The following CTTNBP2NL variants were observed in gnomAD, a reference collection of about 807,000 sequenced individuals.
CTTNBP2NL encodes CTTNBP2 N-terminal like, also known as CTTNBP2 N-terminal-like protein.
CTTNBP2NL carries 16 observed loss-of-function variants against 32.5 expected under a neutral mutation model. The ratio of observed to expected loss-of-function variants is 0.49; its 90% CI spans 0.33 to 0.75. CTTNBP2NL has a LOEUF of 0.75. Among genes scored for constraint, CTTNBP2NL ranks in the 30% least tolerant of loss-of-function variants. The pLI, the probability that CTTNBP2NL is intolerant of heterozygous loss-of-function variation, is 0.02. For missense variants in CTTNBP2NL, 645 were observed against 756.0 expected (o/e 0.85, Z 1.72); for synonymous variants, 298 against 289.4 (o/e 1.03, Z -0.30).
At chr1:112,422,951 C>T (rs1157911330) in intron 3 of CTTNBP2NL, among the ~76,000 whole-genome samples, 1 of 152,066 alleles carries the variant, frequency 6.6e-6, no homozygotes, top group Non-Finnish European at 1.5e-5. Context: ...CACCACCATG[C>T]CTGGCTAATT....
At chr1:112,416,571 C>G (rs1649073292) in intron 3 of CTTNBP2NL, among the ~76,000 whole-genome samples, 1 of 151,266 alleles carries the variant, frequency 6.6e-6, no homozygotes, top group African/African-American at 2.4e-5. Context: ...TATCTCGGCT[C>G]ACTGCAACTT....
chr1:112,420,547 C>A (rs1399567046), intron 3 of CTTNBP2NL, among the ~76,000 whole-genome samples: 1 of 152,160 alleles, frequency 6.6e-6, no homozygotes, highest in African/African-American at 2.4e-5. Flanking sequence ...CAGCTCACTG[C>A]AGCCTCAACC....
intron 3 of CTTNBP2NL, among the ~76,000 whole-genome samples, chr1:112,426,099 G>A (rs1231972276): frequency 6.6e-6 from 1 of 151,782 alleles, no homozygotes; most frequent in Non-Finnish European, 1.5e-5. Flanking sequence ...CCTTCAGTCT[G>A]TCAAGTTGTT....
rs1650490534 is a variant in CTTNBP2NL, at chr1:112,459,705, CT to C, written c.*2296del. 6.6e-6 allele frequency: 1 copy of C among 152,154 alleles called. No individual in the cohort carries two copies. The highest frequency in any genetic ancestry group is 2.4e-5 in the African/African-American group (1 of 41,444). 9.4% of individuals were successfully genotyped at this position (152,154 alleles called of 1,614,324 possible). The stretch of plus-strand genomic sequence containing the variant: ...GAATAGTGTTGATAAAATAGCTAAA[CT>C]TTCTAAACTGGAGAGGAGGCTACAG... On this transcript the variant is annotated 3_prime_UTR_variant, in exon 6 of 6. Transcript: ENST00000271277.
chr1:112,456,065 C>A lies in CTTNBP2NL; in HGVS notation c.573C>A (p.Asn191Lys). The change falls in exon 6 of 6, where the codon AAC becomes AAA. Residue 191 changes from asparagine (N) to lysine (K), a missense_variant. Physicochemically the swap from Asn to Lys is moderately conservative, Grantham distance 94. Coordinates refer to ENST00000271277, the MANE Select transcript of CTTNBP2NL (RefSeq NM_018704.3). ...MLVLECKKAT[N>K]KAAEEGQKAG... Reference sequence around the variant, plus strand: ...TGCTTGAGTGCAAGAAAGCCACCAACAAGGCAGCCGAGGAAGGACAGAAGG... The same window carrying A: ...TGCTTGAGTGCAAGAAAGCCACCAAAAAGGCAGCCGAGGAAGGACAGAAGG... 1 of 1,614,138 alleles carries A rather than the reference C, an allele frequency of 6.2e-7. No homozygotes were observed. Among genetic ancestry groups the A allele is most frequent in the Non-Finnish European group, 8.5e-7 (1 of 1,180,030 alleles).
rs550020283 is a variant in CTTNBP2NL at position 112,409,817 on chromosome 1, A to G, written c.-133-2377A>G. On this transcript the variant is annotated intron_variant, in intron 1 of 5. Coordinates refer to ENST00000271277, the MANE Select transcript of CTTNBP2NL (RefSeq NM_018704.3). ...CGAAACCAGAATAAGTGGAGCTCGGATAGTATCCAGAGAGGGGAAAATATC... is the reference window on the plus strand; with the variant it reads ...CGAAACCAGAATAAGTGGAGCTCGGGTAGTATCCAGAGAGGGGAAAATATC... Among the ~76,000 whole-genome samples, 3 of 152,356 alleles carry G rather than the reference A, an allele frequency of 2.0e-5. No homozygotes were observed. The South Asian group carries it at 6.2e-4, about 32-fold the overall frequency.
At chr1:112,409,127 CAAAAAA>C (rs36002206) in intron 1 of CTTNBP2NL, among the ~76,000 whole-genome samples, 1 of 80,254 alleles carries the variant, frequency 1.2e-5, no homozygotes, top group African/African-American at 4.9e-5. Context: ...GACTCTGTCT[CAAAAAA>C]AAAAAAAAAA....
intron 1 of CTTNBP2NL, among the ~76,000 whole-genome samples, chr1:112,400,966 C>CAAAAA (rs56784970): frequency 1.9e-5 from 2 of 102,884 alleles, no homozygotes; most frequent in African/African-American, 3.9e-5. Context: ...ACTCTGTCAC[C>CAAAAA]AAAAAAAAAA....
In CTTNBP2NL at chr1:112,454,557, G is replaced by T; in HGVS notation, c.438+1G>T. 1 of 1,592,020 alleles carries T rather than the reference G, an allele frequency of 6.3e-7. No individual in the cohort carries two copies. Among genetic ancestry groups the T allele is most frequent in the Non-Finnish European group, 8.6e-7 (1 of 1,159,926 alleles). On this transcript the variant is annotated splice_donor_variant, in intron 5 of 5. Coordinates refer to ENST00000271277, the MANE Select transcript of CTTNBP2NL (RefSeq NM_018704.3). LOFTEE classifies it high-confidence loss of function. ...GGAAAGAGAGAGGCTGACTCAACAG[G>T]TAATTAAGGTAGAGGGATTCACAGT...
At position 112,452,747 on chromosome 1, in the gene CTTNBP2NL, T is replaced by A. The variant is rs143818725; in HGVS notation, c.331-1702T>A. 3.0e-3 allele frequency among the ~76,000 whole-genome samples: 446 copies of A among 148,228 alleles called. 2 individuals are homozygous for A. Among genetic ancestry groups the A allele is most frequent in the African/African-American group, 0.01 (410 of 39,888 alleles). On this transcript the variant is annotated intron_variant, in intron 4 of 5. Transcript: ENST00000271277. ...CCTCGACCTCCCTGGGCTGAGGTGA[T>A]CCTTCCACCTCAGCCTCCTGAGTAG...
At chr1:112,402,068 C>T (rs1356441689) in intron 1 of CTTNBP2NL, among the ~76,000 whole-genome samples, 5 of 152,152 alleles carry the variant, frequency 3.3e-5, no homozygotes, top group Non-Finnish European at 7.4e-5. Flanking sequence ...TTGTGCAAAA[C>T]TGCTGGGAAA....
chr1:112,416,096 C>A, intron 2 of CTTNBP2NL, 61 bp from the exon 3 acceptor site: 1 of 870,594 alleles, frequency 1.1e-6, no homozygotes, highest in Non-Finnish European at 1.9e-6. Flanking sequence ...TTTATTTTTT[C>A]TTTAATTGTA....
At chr1:112,432,839 A>G (rs1323267681) in intron 3 of CTTNBP2NL, among the ~76,000 whole-genome samples, 1 of 150,862 alleles carries the variant, frequency 6.6e-6, no homozygotes, top group African/African-American at 2.4e-5. Flanking sequence ...TGAAATATTT[A>G]ATTAAATATT....
intron 3 of CTTNBP2NL, among the ~76,000 whole-genome samples, chr1:112,445,418 T>C (rs1333231): frequency 0.21 from 31,739 of 152,136 alleles, 4,079 homozygotes; most frequent in East Asian, 0.55. Flanking sequence ...GTTAAACCTG[T>C]AATCCATATA....
intron 1 of CTTNBP2NL, among the ~76,000 whole-genome samples, chr1:112,406,625 ACTGT>A (rs1352124657): frequency 1.3e-5 from 2 of 152,232 alleles, no homozygotes; most frequent in Non-Finnish European, 2.9e-5. Context: ...TACTTAGAAC[ACTGT>A]CTGGCATACA....
At chr1:112,455,910 C>T (rs1650346143) in intron 5 of CTTNBP2NL, 21 bp from the exon 6 acceptor site, 1 of 1,559,224 alleles carries the variant, frequency 6.4e-7, no homozygotes, top group Non-Finnish European at 8.7e-7. Context: ...CAGTATGTCT[C>T]TCTTTTCTTT....
intron 3 of CTTNBP2NL, among the ~76,000 whole-genome samples, chr1:112,427,401 C>G (rs538006951): frequency 1.3e-5 from 2 of 152,266 alleles, no homozygotes; most frequent in Non-Finnish European, 2.9e-5. Flanking sequence ...CTCCGTTTTA[C>G]TTTTGGGTAA....
intron 1 of CTTNBP2NL, among the ~76,000 whole-genome samples, chr1:112,407,846 T>C (rs1252070878): frequency 2.5e-4 from 34 of 137,462 alleles, no homozygotes; most frequent in Admixed American, 5.1e-4. Flanking sequence ...CTTTCTTTTT[T>C]TTTTTTTTTT....
At chr1:112,430,861 G>T (rs1366710285) in intron 3 of CTTNBP2NL, among the ~76,000 whole-genome samples, 1 of 152,180 alleles carries the variant, frequency 6.6e-6, no homozygotes, top group Non-Finnish European at 1.5e-5. Flanking sequence ...GGGATTACAG[G>T]CATGAGCCAC....
Sources: gnomAD v4.1 joint callset for allele counts (sites outside exome capture counted in the v4.1 genomes callset) on GRCh38, gnomAD v4.1.1 for gene constraint, MANE v1.5 for transcripts, NCBI Gene and HGNC (gene_info 2026-07-23, HGNC 2026-07-21) for gene names.